The following ARSD variants were observed in gnomAD, a reference collection of about 807,000 sequenced individuals.
ARSD encodes arylsulfatase D, also known as testis tissue sperm-binding protein Li 39a.
In ARSD, 21 loss-of-function variants were observed where a neutral mutation model predicts 32.6. That is an observed-to-expected ratio of 0.64 (90% CI 0.46 to 0.93). ARSD has a LOEUF of 0.93. Ranked by LOEUF, ARSD falls within the 40% of genes least tolerant of loss-of-function variation. The pLI, the probability that ARSD is intolerant of heterozygous loss-of-function variation, is 0.00. For synonymous variants in ARSD, 224 were observed against 237.4 expected (o/e 0.94, Z 0.52); for missense variants, 454 against 520.9 (o/e 0.87, Z 1.25).
At chrX:2,918,566 C>A (rs1184680789) in intron 4 of ARSD, among the ~76,000 whole-genome samples, 1 of 110,282 alleles carries the variant, frequency 9.1e-6, no homozygotes, top group African/African-American at 3.3e-5. Context: ...CTGGCTAACA[C>A]GGTGAAACCC....
chrX:2,919,273 G>A (rs1336644340), intron 4 of ARSD, among the ~76,000 whole-genome samples: 1 of 104,245 alleles, frequency 9.6e-6, no homozygotes, highest in African/African-American at 3.6e-5. Flanking sequence ...TCCTGTGAAT[G>A]GGACAGTGGC....
intron 6 of ARSD, chrX:2,913,796 G>A (rs760207509): frequency 2.0e-5 from 17 of 849,887 alleles, no homozygotes; most frequent in East Asian, 1.7e-4. Context: ...CCTCAGAATC[G>A]GCGGTGGGGC....
rs2088858103 is a variant in ARSD, at chrX:2,907,218, T to C, written c.*53A>G. 2.7e-6 allele frequency: 3 copies of C among 1,119,067 alleles called. No individual in the cohort carries two copies. In the South Asian group the frequency reaches 6.2e-5, roughly 23 times the overall value. The allele number at this position is 1,119,067 out of a possible 1,213,427, so 92.2% of individuals were successfully genotyped here. ...GAAGATAGAACCAAGCTTGGAGAAT[T>C]TTGTTTGCAACGCAGTCAGGCTCTC... On this transcript the variant is annotated 3_prime_UTR_variant, in exon 10 of 10. Coordinates refer to ENST00000381154, the MANE Select transcript of ARSD (RefSeq NM_001669.4).
Position 2,925,752 on chromosome X carries a change from C to T in ARSD, c.58G>A (p.Val20Met). ...AGAAGCAAGCATAAAAACAGTAGCA[C>T]CGGCAAAGAGTCCCTGGAGAGAAAA... Reference protein sequence around the residue: ...AAPAARDSLPVLLFLCLLLKT... With the variant: ...AAPAARDSLPMLLFLCLLLKT... The change falls in exon 2 of 10, where the codon GTG becomes ATG. Residue 20 changes from valine to methionine, a missense_variant. Coordinates refer to ENST00000381154, the MANE Select transcript of ARSD (RefSeq NM_001669.4). 8.3e-7 allele frequency: 1 copy of T among 1,210,609 alleles called. No individual in the cohort carries two copies. The highest frequency in any genetic ancestry group is 1.7e-5 in the African/African-American group (1 of 57,744).
intron 6 of ARSD, chrX:2,913,753 T>C: frequency 1.1e-6 from 1 of 927,505 alleles, no homozygotes; most frequent in Non-Finnish European, 1.4e-6. Flanking sequence ...TTTGGATGTG[T>C]GTCCCCGCCC....
chrX:2,923,754 T>C (rs1202841755), intron 2 of ARSD, among the ~76,000 whole-genome samples: 2 of 112,027 alleles, frequency 1.8e-5, no homozygotes, highest in East Asian at 5.7e-4. Context: ...AGTCTCCAAA[T>C]AGAGTCACAG....
rs1257029952 is a variant in ARSD at position 2,905,172 on chromosome X, T to C, written c.*2099A>G. 1 of 297,323 alleles carries C rather than the reference T, an allele frequency of 3.4e-6. No homozygotes were observed. Among genetic ancestry groups the C allele is most frequent in the Non-Finnish European group, 6.6e-6 (1 of 151,774 alleles). The allele number at this position is 297,323 out of a possible 1,213,427, so 24.5% of individuals were successfully genotyped here. A position where few individuals can be genotyped will look rare whatever the true frequency, so the allele number is the denominator to read the frequency against. On this transcript the variant is annotated 3_prime_UTR_variant, in exon 10 of 10. Transcript: ENST00000381154. The stretch of plus-strand genomic sequence containing the variant: ...CTCTCAGTGCTGTTGCCTCTTCCTC[T>C]GGATCTTGGAAGCTTCCATGCTGAG...
At position 2,907,238 on chromosome X, in the gene ARSD, G is replaced by C; in HGVS notation, c.*33C>G. ...AGAATTTTGTTTGCAACGCAGTCAG[G>C]CTCTCCTGGATCCTCTCTCACAGTC... On this transcript the variant is annotated 3_prime_UTR_variant, in exon 10 of 10. Coordinates refer to ENST00000381154, the MANE Select transcript of ARSD (RefSeq NM_001669.4). 1 of 1,162,481 alleles carries C rather than the reference G, an allele frequency of 8.6e-7. No homozygotes were observed. Among genetic ancestry groups the C allele is most frequent in the Non-Finnish European group, 1.2e-6 (1 of 864,358 alleles).
In ARSD at chrX:2,904,261, G is replaced by C. The variant is rs1384703918; in HGVS notation, c.*3010C>G. The C allele has an allele frequency of 1.8e-5, 2 of 111,268 alleles. No homozygotes were observed. Among genetic ancestry groups the C allele is most frequent in the East Asian group, 5.7e-4 (2 of 3,535 alleles). The allele number at this position is 111,268 out of a possible 1,213,427, so 9.2% of individuals were successfully genotyped here. A position where few individuals can be genotyped will look rare whatever the true frequency, so the allele number is the denominator to read the frequency against. On this transcript the variant is annotated 3_prime_UTR_variant, in exon 10 of 10. Transcript: ENST00000381154. Reference sequence around the variant, plus strand: ...GAGGAATGGAAGAATATAGCTGCCAGGTATCCCAAGTCTAGGGCAGGGAGG... The same window carrying C: ...GAGGAATGGAAGAATATAGCTGCCACGTATCCCAAGTCTAGGGCAGGGAGG...
chrX:2,917,717 C>T, intron 5 of ARSD, 87 bp downstream of exon 5: 1 of 976,609 alleles, frequency 1.0e-6, no homozygotes, highest in Non-Finnish European at 1.4e-6. Flanking sequence ...AAGATCCTCC[C>T]ATCTTGGCCT....
chrX:2,920,811 G>T, intron 3 of ARSD, 88 bp from the exon 4 acceptor site: 1 of 1,102,605 alleles, frequency 9.1e-7, no homozygotes, highest in Non-Finnish European at 1.2e-6. Flanking sequence ...CTGAGATCTG[G>T]ATTTGTGCAC....
Position 2,920,678 on chromosome X carries a change from C to T in ARSD, c.362G>A (p.Gly121Asp). ...NGYRALQWNA[G>D]SGGLPENETT... ...TTCGTTCTCAGGGAGTCCACCTGAG[C>T]CTGCGTTCCACTGAAGGGCCCGGTA... Residue 121 changes from glycine (G) to aspartate (D), a missense_variant, in exon 4 of 10, where the codon GGC becomes GAC. By Grantham distance (94) the Gly-to-Asp change is moderately conservative. This residue lies in a region of ARSD where 271 missense variants were observed against 301.0 expected (regional missense o/e 0.90). Coordinates refer to ENST00000381154, the MANE Select transcript of ARSD (RefSeq NM_001669.4). 1 of 1,211,857 alleles carries T rather than the reference C, an allele frequency of 8.3e-7. No individual in the cohort carries two copies.
Position 2,917,826 on chromosome X carries a change from C to A in ARSD, c.841G>T (p.Glu281Ter). 8.3e-7 allele frequency: 1 copy of A among 1,209,033 alleles called. No individual in the cohort carries two copies. The highest frequency in any genetic ancestry group is 1.1e-6 in the Non-Finnish European group (1 of 893,448). The change falls in exon 5 of 10, where the codon GAA becomes TAA. Residue 281 changes from glutamate to a stop codon, truncating the protein, a stop_gained. Transcript: ENST00000381154. LOFTEE classifies it high-confidence loss of function. ...TACCTTTCAATATAGGAAACAGCTTCCTTTAGCATAAGACTCGCTGTTTTC... is the reference window on the plus strand; with the variant it reads ...TACCTTTCAATATAGGAAACAGCTTACTTTAGCATAAGACTCGCTGTTTTC... ...LEKTASLMLK[E>*]AVSYIERHKH...
chrX:2,907,679 G>T, intron 9 of ARSD, 47 bp from the exon 10 acceptor site: 3 of 1,089,195 alleles, frequency 2.8e-6, no homozygotes, highest in Non-Finnish European at 3.6e-6. Flanking sequence ...ATCCACGCAG[G>T]TGTGAACGCA....
chrX:2,921,377 A>G (rs1284503878), intron 3 of ARSD, among the ~76,000 whole-genome samples: 2 of 111,481 alleles, frequency 1.8e-5, no homozygotes, highest in East Asian at 5.6e-4. Context: ...ATTATCTATC[A>G]TCTATCATTA....
At chrX:2,914,698 C>G (rs34494682) in intron 6 of ARSD, 1 of 1,025,043 alleles carries the variant, frequency 9.8e-7, no homozygotes, top group Non-Finnish European at 1.3e-6. Context: ...AGGAAGACAG[C>G]GTGTCTGCAT....
intron 4 of ARSD, 161 bp downstream of exon 4, chrX:2,920,440 G>A (rs1271843046): frequency 9.7e-5 from 63 of 648,240 alleles, no homozygotes; most frequent in East Asian, 7.2e-5. Flanking sequence ...GTGTGATCTC[G>A]GCTCCCTGCA....
chrX:2,925,266 C>T (rs966496954), intron 2 of ARSD, among the ~76,000 whole-genome samples: 1 of 112,184 alleles, frequency 8.9e-6, no homozygotes, highest in African/African-American at 3.2e-5. Context: ...GTGATGTGGC[C>T]ACAAGCTCAG....
rs777785003 is a variant in ARSD, at chrX:2,918,521, C to T, written c.440-294G>A. 2.7e-5 allele frequency among the ~76,000 whole-genome samples: 3 copies of T among 111,343 alleles called. No homozygotes were observed. The Admixed American group carries it at 2.9e-4, about 11-fold the overall frequency. On this transcript the variant is annotated intron_variant, in intron 4 of 9. Transcript: ENST00000381154. The stretch of plus-strand genomic sequence containing the variant: ...ATCCCAGCCCTTTGGGAGGCCGAGG[C>T]GGGCGGATCACGAGGTCAGGAAATC...
Sources: allele counts gnomAD v4.1 joint callset (sites outside exome capture counted in the v4.1 genomes callset), GRCh38; gene constraint gnomAD v4.1.1; regional missense constraint gnomAD v4.1.1; transcripts MANE v1.5; gene names NCBI Gene and HGNC (gene_info 2026-07-23, HGNC 2026-07-21).